Variants in CYTH3 observed in about 807,000 individuals in gnomAD.
The protein encoded by CYTH3 is cytohesin-3.
CYTH3 carries 23 observed loss-of-function variants against 55.1 expected under a neutral mutation model. That is an observed-to-expected ratio of 0.42 (90% CI 0.30 to 0.59). CYTH3 has a LOEUF of 0.59. Ranked by LOEUF, CYTH3 falls within the 20% of genes least tolerant of loss-of-function variation. The probability of loss-of-function intolerance (pLI) is 0.20; values close to 1 mark genes in which losing one functional copy is unlikely to be tolerated. For missense variants in CYTH3, 413 were observed against 524.8 expected (o/e 0.79, Z 2.08); for synonymous variants, 249 against 194.9 (o/e 1.28, Z -2.31).
At chr7:6,193,096 A>ACCTG (rs1783842449) in intron 1 of CYTH3, among the ~76,000 whole-genome samples, 2 of 152,110 alleles carry the variant, frequency 1.3e-5, no homozygotes, top group African/African-American at 4.8e-5. Flanking sequence ...CGCTTGAAAC[A>ACCTG]GGAAAGCAAA....
rs1401091533 is a variant in CYTH3, at chr7:6,163,430, C to G, written c.*1514G>C. On this transcript the variant is annotated 3_prime_UTR_variant, in exon 13 of 13. Transcript: ENST00000350796. ...GAGGAAAAGCCAGCCACCAACCCAA[C>G]AGCCCACTGTGTAACAGGGTCCTGG... 1 of 152,744 alleles carries G rather than the reference C, an allele frequency of 6.5e-6. No homozygotes were observed. The highest frequency in any genetic ancestry group is 1.5e-5 in the Non-Finnish European group (1 of 68,452). The allele number at this position is 152,744 out of a possible 1,614,324, so 9.5% of individuals were successfully genotyped here.
Position 6,272,542 on chromosome 7 carries a change from C to T in CYTH3, c.-35G>A, listed in dbSNP as rs751123299. 50 of 1,303,914 alleles carry T rather than the reference C, an allele frequency of 3.8e-5. No individual in the cohort carries two copies. In the East Asian group the frequency reaches 1.6e-3, roughly 43 times the overall value. The allele number at this position is 1,303,914 out of a possible 1,614,324, so 80.8% of individuals were successfully genotyped here. A position where few individuals can be genotyped will look rare whatever the true frequency, so the allele number is the denominator to read the frequency against. On this transcript the variant is annotated 5_prime_UTR_variant, in exon 1 of 13. Transcript: ENST00000350796. The stretch of plus-strand genomic sequence containing the variant: ...ACTCCCGCAGCCGGCGAGCCGGGGG[C>T]CGGCAGCAGAGGGGCCGCGGGCTGG...
intron 1 of CYTH3, among the ~76,000 whole-genome samples, chr7:6,202,886 G>C (rs955534690): frequency 2.0e-5 from 3 of 152,054 alleles, no homozygotes; most frequent in Non-Finnish European, 2.9e-5. Context: ...TTAAAAACCA[G>C]AACAAAAAAC....
intron 1 of CYTH3, among the ~76,000 whole-genome samples, chr7:6,231,848 G>C (rs1436218694): frequency 6.6e-6 from 1 of 152,146 alleles, no homozygotes; most frequent in Non-Finnish European, 1.5e-5. Context: ...TGGTTTAAAG[G>C]CATCGGGACC....
intron 1 of CYTH3, among the ~76,000 whole-genome samples, chr7:6,270,198 A>G (rs945028525): frequency 2.0e-5 from 3 of 152,266 alleles, no homozygotes; most frequent in Non-Finnish European, 2.9e-5. Flanking sequence ...AAGTTTATAC[A>G]ATAATTACAA....
intron 1 of CYTH3, among the ~76,000 whole-genome samples, chr7:6,215,539 G>C (rs189146409): frequency 6.7e-6 from 1 of 148,456 alleles, no homozygotes; most frequent in Non-Finnish European, 1.5e-5. Flanking sequence ...GCAGTGAGCC[G>C]AGATCGCGCC....
At chr7:6,271,973 A>G (rs923550835) in intron 1 of CYTH3, among the ~76,000 whole-genome samples, 3 of 151,916 alleles carry the variant, frequency 2.0e-5, no homozygotes, top group African/African-American at 7.3e-5. Context: ...ACGCTTTCCA[A>G]CCGTTTCCCC....
intron 1 of CYTH3, among the ~76,000 whole-genome samples, chr7:6,248,856 A>C (rs1779891127): frequency 1.3e-5 from 2 of 152,106 alleles, no homozygotes; most frequent in Non-Finnish European, 2.9e-5. Context: ...TCTTTTTCTC[A>C]ATCACTTCCA....
chr7:6,170,802 G>T lies in CYTH3; in HGVS notation c.711+28C>A, dbSNP rs556745763. ...CTCACAGCGAAGAGATCCTGCAGAC[G>T]GCAGCGGCCGCGGGCCGGGGAGCTC... is the stretch of plus-strand genomic sequence containing the variant. On this transcript the variant is annotated intron_variant, in intron 8 of 12. Transcript: ENST00000350796. This position sits in a 1 kb window ranked among gnomAD's most constrained non-coding sequence, Gnocchi z 7.8. 28 of 1,597,888 alleles carry T rather than the reference G, an allele frequency of 1.8e-5. No homozygotes were observed. Among genetic ancestry groups the T allele is most frequent in the East Asian group, 2.3e-5 (1 of 44,326 alleles).
Position 6,201,011 on chromosome 7 carries a change from C to T in CYTH3, c.35-10480G>A, listed in dbSNP as rs560390159. ...CCTGGGCTCAAGTAATCCTCTACTT[C>T]GGCCTCCCAAAGTGCTGGGATTGTA... On this transcript the variant is annotated intron_variant, in intron 1 of 12. Transcript: ENST00000350796. Among the ~76,000 whole-genome samples, 33 of 152,294 alleles carry T rather than the reference C, an allele frequency of 2.2e-4. No individual in the cohort carries two copies. The South Asian group carries it at 2.9e-3, about 13-fold the overall frequency.
chr7:6,259,802 T>A (rs1203052831), intron 1 of CYTH3, among the ~76,000 whole-genome samples: 26 of 27,772 alleles, frequency 9.4e-4, no homozygotes, highest in South Asian at 1.1e-3. Context: ...TATATATATA[T>A]ATATATATAT....
intron 1 of CYTH3, among the ~76,000 whole-genome samples, chr7:6,270,650 T>A (rs1205890633): frequency 6.6e-6 from 1 of 152,226 alleles, no homozygotes. Flanking sequence ...ACCATGCCCC[T>A]GCTGTTGGCG....
At chr7:6,262,663 G>A (rs1302395251) in intron 1 of CYTH3, among the ~76,000 whole-genome samples, 2 of 152,218 alleles carry the variant, frequency 1.3e-5, no homozygotes, top group Admixed American at 1.3e-4. Context: ...ACCAGCCTGA[G>A]CAACATAGTG....
chr7:6,202,992 T>G (rs891806617), intron 1 of CYTH3, among the ~76,000 whole-genome samples: 2 of 152,156 alleles, frequency 1.3e-5, no homozygotes, highest in Non-Finnish European at 2.9e-5. Context: ...GACAAATTCT[T>G]ACCAAAAAGT....
chr7:6,263,499 A>C (rs1224669448), intron 1 of CYTH3, among the ~76,000 whole-genome samples: 1 of 152,208 alleles, frequency 6.6e-6, no homozygotes, highest in East Asian at 1.9e-4. Context: ...CATTGACATT[A>C]AAAAGTTGAA....
intron 4 of CYTH3, among the ~76,000 whole-genome samples, 194 bp from the exon 5 acceptor site, chr7:6,178,135 C>A (rs576260767): frequency 5.6e-4 from 85 of 152,354 alleles, no homozygotes; most frequent in African/African-American, 1.9e-3. Flanking sequence ...AACGCACGTT[C>A]ATTCCTCCTG....
rs182431134 is a variant in CYTH3, at chr7:6,208,715, T to C, written c.35-18184A>G. ...CCTGCTATCATATCCAACTATTTTT[T>C]ATTTTTGTAGAGATGGGGTCTTGCT... is the stretch of plus-strand genomic sequence containing the variant. On this transcript the variant is annotated intron_variant, in intron 1 of 12. Transcript: ENST00000350796. Among the ~76,000 whole-genome samples the C allele has an allele frequency of 3.0e-3, 458 of 152,262 alleles. 2 individuals are homozygous for C. Among genetic ancestry groups the C allele is most frequent in the Non-Finnish European group, 3.6e-3 (242 of 68,006 alleles).
chr7:6,199,084 G>A (rs1178642586), intron 1 of CYTH3, among the ~76,000 whole-genome samples: 1 of 152,216 alleles, frequency 6.6e-6, no homozygotes, highest in Non-Finnish European at 1.5e-5. Flanking sequence ...AAAGAAGGCA[G>A]GAAATCCTCC....
At chr7:6,271,857 G>A (rs891987381) in intron 1 of CYTH3, among the ~76,000 whole-genome samples, 2 of 152,006 alleles carry the variant, frequency 1.3e-5, no homozygotes, top group Non-Finnish European at 2.9e-5. Context: ...AATCTGTCGC[G>A]TCTGCCGTTT....
Sources: allele counts gnomAD v4.1 joint callset (sites outside exome capture counted in the v4.1 genomes callset), GRCh38; gene constraint gnomAD v4.1.1; non-coding constraint Gnocchi (gnomAD v3.1); transcripts MANE v1.5; gene names NCBI Gene and HGNC (gene_info 2026-07-23, HGNC 2026-07-21).